Variants in POU6F2 observed in about 807,000 individuals in gnomAD.
POU6F2 encodes the protein POU class 6 homeobox 2, also known as POU domain, class 6, transcription factor 2.
Under a neutral mutation model 71.3 loss-of-function variants are expected in POU6F2, and 31 were observed. The ratio of observed to expected loss-of-function variants is 0.43; its 90% CI spans 0.33 to 0.59. POU6F2 has a LOEUF of 0.59. Among genes scored for constraint, POU6F2 ranks in the 20% least tolerant of loss-of-function variants. The probability of loss-of-function intolerance (pLI) is 0.04; values close to 1 mark genes in which losing one functional copy is unlikely to be tolerated. For synonymous variants in POU6F2, 347 were observed against 355.7 expected (o/e 0.98, Z 0.27); for missense variants, 783 against 856.8 (o/e 0.91, Z 1.07).
At chr7:39,141,574 C>A (rs1462231888) in intron 2 of POU6F2, among the ~76,000 whole-genome samples, 1 of 152,176 alleles carries the variant, frequency 6.6e-6, no homozygotes, top group Non-Finnish European at 1.5e-5. Flanking sequence ...AATTTTAATG[C>A]TTTCCACTTC....
intron 1 of POU6F2, chr7:38,984,213 C>T (rs1056648576): frequency 3.9e-5 from 6 of 152,076 alleles, no homozygotes; most frequent in Non-Finnish European, 8.8e-5. Flanking sequence ...GTCAAAGATG[C>T]AAATAAACGT....
intron 4 of POU6F2, among the ~76,000 whole-genome samples, chr7:39,232,999 G>A (rs1159758390): frequency 6.6e-6 from 1 of 152,062 alleles, no homozygotes; most frequent in East Asian, 1.9e-4. Context: ...CAATATTTTA[G>A]CTTATTTAGA....
At chr7:39,375,428 T>G (rs1465944239) in intron 5 of POU6F2, among the ~76,000 whole-genome samples, 2 of 152,126 alleles carry the variant, frequency 1.3e-5, no homozygotes, top group Non-Finnish European at 2.9e-5. Flanking sequence ...AAATTCCACC[T>G]TCATTCAGGT....
chr7:39,391,743 G>A (rs993627964), intron 5 of POU6F2, among the ~76,000 whole-genome samples: 1 of 152,190 alleles, frequency 6.6e-6, no homozygotes, highest in Non-Finnish European at 1.5e-5. Flanking sequence ...AAACTGCTAT[G>A]CCAGTTCTAA....
chr7:39,407,830 C>T (rs1003330419), intron 6 of POU6F2, among the ~76,000 whole-genome samples: 2 of 152,098 alleles, frequency 1.3e-5, no homozygotes, highest in Non-Finnish European at 2.9e-5. Context: ...ATTTCCTGGG[C>T]GGGTGTGGTA....
intron 1 of POU6F2, among the ~76,000 whole-genome samples, chr7:39,054,807 C>T (rs1433820126): frequency 2.0e-5 from 3 of 146,514 alleles, no homozygotes; most frequent in African/African-American, 7.5e-5. Flanking sequence ...AGCAAGCAAA[C>T]AAACAAAAAA....
chr7:39,191,008 T>C (rs1218169613), intron 2 of POU6F2, among the ~76,000 whole-genome samples: 1 of 152,162 alleles, frequency 6.6e-6, no homozygotes, highest in Non-Finnish European at 1.5e-5. Context: ...CACCAAACCT[T>C]GAGGATCTTT....
intron 4 of POU6F2, among the ~76,000 whole-genome samples, chr7:39,307,433 GATA>G (rs1785068835): frequency 6.6e-6 from 1 of 152,034 alleles, no homozygotes; most frequent in Non-Finnish European, 1.5e-5. Context: ...TATCATACTC[GATA>G]ATATTTCCTA....
At position 39,058,343 on chromosome 7, in the gene POU6F2, G is replaced by T. The variant is rs113835577; in HGVS notation, c.106-27517G>T. Among the ~76,000 whole-genome samples, 560 of 152,284 alleles carry T rather than the reference G, an allele frequency of 3.7e-3. 6 individuals are homozygous for T. The highest frequency in any genetic ancestry group is 0.013 in the African/African-American group (540 of 41,566). On this transcript the variant is annotated intron_variant, in intron 1 of 9. Coordinates refer to ENST00000518318, the MANE Select transcript of POU6F2 (RefSeq NM_001370959.1). Reference sequence around the variant, plus strand: ...GGGGGTTAGGGATGAGATTAGGAAGGAAGAAGGGAAAGATTCCAAATGATG... The same window carrying T: ...GGGGGTTAGGGATGAGATTAGGAAGTAAGAAGGGAAAGATTCCAAATGATG...
chr7:39,443,357 C>A (rs1480732078), intron 7 of POU6F2, among the ~76,000 whole-genome samples: 1 of 152,204 alleles, frequency 6.6e-6, no homozygotes, highest in African/African-American at 2.4e-5. Flanking sequence ...TATGTGCACG[C>A]TGAGAGAACA....
chr7:39,333,191 G>A (rs752272455), intron 4 of POU6F2, among the ~76,000 whole-genome samples: 6 of 152,196 alleles, frequency 3.9e-5, no homozygotes, highest in Middle Eastern at 3.4e-3. Flanking sequence ...TACATCCTTC[G>A]CTTTTTATCT....
chr7:39,224,217 G>A (rs540668355), intron 4 of POU6F2, among the ~76,000 whole-genome samples: 6 of 152,232 alleles, frequency 3.9e-5, no homozygotes, highest in African/African-American at 1.4e-4. Flanking sequence ...TTTTTCAGGA[G>A]ATTAATGAAT....
chr7:39,405,723 A>G (rs577673895), intron 5 of POU6F2, among the ~76,000 whole-genome samples: 2 of 152,342 alleles, frequency 1.3e-5, no homozygotes, highest in African/African-American at 4.8e-5. Context: ...CATGGTCAGA[A>G]GGCCTGAAAA....
intron 6 of POU6F2, among the ~76,000 whole-genome samples, chr7:39,422,333 CAAAT>C (rs751006523): frequency 2.6e-5 from 4 of 152,076 alleles, no homozygotes; most frequent in African/African-American, 4.8e-5. Flanking sequence ...AAGTAATATT[CAAAT>C]AAATAAATAA....
intron 1 of POU6F2, among the ~76,000 whole-genome samples, chr7:39,065,117 G>A (rs928025122): frequency 4.0e-5 from 6 of 151,712 alleles, no homozygotes; most frequent in South Asian, 2.1e-4. Flanking sequence ...TTGATCTTAC[G>A]TATCTGTAGA....
chr7:39,281,112 A>AT (rs56928785), intron 4 of POU6F2, among the ~76,000 whole-genome samples: 40,910 of 151,938 alleles, frequency 0.27, 6,246 homozygotes, highest in African/African-American at 0.41. Context: ...TAATGTTTAT[A>AT]TTTTTTTATT....
chr7:39,438,704 G>C (rs1420534105), intron 7 of POU6F2, among the ~76,000 whole-genome samples: 1 of 152,238 alleles, frequency 6.6e-6, no homozygotes, highest in Non-Finnish European at 1.5e-5. Context: ...GTTCTAATTT[G>C]ATCACACTGT....
rs911452459 is a variant in POU6F2 at position 39,458,824 on chromosome 7, G to C, written c.1490-1723G>C. On this transcript the variant is annotated intron_variant, in intron 8 of 9. Coordinates refer to ENST00000518318, the MANE Select transcript of POU6F2 (RefSeq NM_001370959.1). ...CCCTACCAACCTGACAGGTCCCTACGGTGCCCTGCTCCTCCCTGCATTTCT... is the reference window on the plus strand; with the variant it reads ...CCCTACCAACCTGACAGGTCCCTACCGTGCCCTGCTCCTCCCTGCATTTCT... 4.0e-5 allele frequency among the ~76,000 whole-genome samples: 6 copies of C among 151,762 alleles called. No individual in the cohort carries two copies. The East Asian group carries it at 9.7e-4, about 25-fold the overall frequency.
At position 39,397,487 on chromosome 7, in the gene POU6F2, T is replaced by C. The variant is rs1479959283; in HGVS notation, c.973-9113T>C. ...ATAGACATAGAGAGAGACATATATATATATATATATATATACACATTTTGG... is the reference window on the plus strand; with the variant it reads ...ATAGACATAGAGAGAGACATATATACATATATATATATATACACATTTTGG... On this transcript the variant is annotated intron_variant, in intron 5 of 9. Coordinates refer to ENST00000518318, the MANE Select transcript of POU6F2 (RefSeq NM_001370959.1). 1.2e-3 allele frequency among the ~76,000 whole-genome samples: 173 copies of C among 147,886 alleles called. 1 individual carries two copies. The highest frequency in any genetic ancestry group is 3.4e-3 in the African/African-American group (140 of 40,610).
Sources: allele counts gnomAD v4.1 joint callset (sites outside exome capture counted in the v4.1 genomes callset), GRCh38; gene constraint gnomAD v4.1.1; transcripts MANE v1.5; gene names NCBI Gene and HGNC (gene_info 2026-07-23, HGNC 2026-07-21).